Variants in PLPP4 observed in about 807,000 individuals in gnomAD.
PLPP4 encodes phospholipid phosphatase 4.
Under a neutral mutation model 32.2 loss-of-function variants are expected in PLPP4, and 20 were observed. The ratio of observed to expected loss-of-function variants is 0.62; its 90% CI spans 0.44 to 0.90. The LOEUF (loss-of-function observed/expected upper bound fraction) is 0.90. Ranked by LOEUF, PLPP4 falls within the 40% of genes least tolerant of loss-of-function variation. The probability of loss-of-function intolerance (pLI) is 0.00; values close to 1 mark genes in which losing one functional copy is unlikely to be tolerated. For synonymous variants in PLPP4, 127 were observed against 133.0 expected (o/e 0.95, Z 0.31); for missense variants, 257 against 353.1 (o/e 0.73, Z 2.18).
chr10:120,509,286 G>A (rs531403843), intron 2 of PLPP4, among the ~76,000 whole-genome samples: 7 of 152,288 alleles, frequency 4.6e-5, no homozygotes, highest in African/African-American at 1.2e-4. Flanking sequence ...GAATCAAAGA[G>A]GTTACATGAT....
At chr10:120,520,437 G>A (rs1846103371) in intron 4 of PLPP4, among the ~76,000 whole-genome samples, 2 of 152,202 alleles carry the variant, frequency 1.3e-5, no homozygotes, top group East Asian at 1.9e-4. Flanking sequence ...TAGATTAATA[G>A]GATTACTTAT....
At chr10:120,457,168 C>A, upstream of PLPP4, 1 of 451,174 alleles carries the variant, frequency 2.2e-6, no homozygotes, top group East Asian at 5.6e-5. Context: ...TGCCCCCGCC[C>A]GGCGCCCGCC....
At chr10:120,574,824 C>A (rs1849137839) in intron 5 of PLPP4, among the ~76,000 whole-genome samples, 1 of 152,244 alleles carries the variant, frequency 6.6e-6, no homozygotes, top group Non-Finnish European at 1.5e-5. Context: ...TCTGATGCAT[C>A]TTTTTATTCC....
At chr10:120,575,007 T>C (rs1849147059) in intron 5 of PLPP4, 124 bp from the exon 6 acceptor site, 6 of 911,598 alleles carry the variant, frequency 6.6e-6, no homozygotes, top group Non-Finnish European at 1.0e-5. Context: ...GCCTAGATAG[T>C]GCCTGGTGCC....
At chr10:120,519,691 C>T (rs748409867) in intron 4 of PLPP4, among the ~76,000 whole-genome samples, 18 of 152,090 alleles carry the variant, frequency 1.2e-4, no homozygotes, top group Non-Finnish European at 2.4e-4. Context: ...AGAGACAGTA[C>T]CCCAGCTGTT....
chr10:120,548,161 A>C (rs1847722017), intron 5 of PLPP4, among the ~76,000 whole-genome samples: 1 of 151,980 alleles, frequency 6.6e-6, no homozygotes, highest in African/African-American at 2.4e-5. Context: ...TTGGTGTACA[A>C]ATTATTTGGT....
At chr10:120,574,191 CTCT>C in intron 5 of PLPP4, among the ~76,000 whole-genome samples, 3 of 138,650 alleles carry the variant, frequency 2.2e-5, no homozygotes, top group African/African-American at 8.4e-5. Context: ...CTCTCTCTCT[CTCT>C]CTCTCTCTCT....
rs368548873 is a variant in PLPP4, at chr10:120,461,255, T to C, written c.56+3894T>C. Among the ~76,000 whole-genome samples, 8 of 152,342 alleles carry C rather than the reference T, an allele frequency of 5.3e-5. No homozygotes were observed. In the East Asian group the frequency reaches 1.5e-3, roughly 29 times the overall value. On this transcript the variant is annotated intron_variant, in intron 1 of 6. Coordinates refer to ENST00000398250, the MANE Select transcript of PLPP4 (RefSeq NM_001030059.3). ...CCGGTGAGAACATCAATTGTAGTAG[T>C]AAGAAACTAGGAATACACTGCTTTC...
At chr10:120,541,925 C>T (rs559565683) in intron 5 of PLPP4, among the ~76,000 whole-genome samples, 41 of 152,156 alleles carry the variant, frequency 2.7e-4, no homozygotes, top group Admixed American at 6.5e-4. Flanking sequence ...TACAGGCGAC[C>T]GCCACCATGC....
chr10:120,503,713 A>G, intron 1 of PLPP4, 105 bp from the exon 2 acceptor site: 1 of 1,592,530 alleles, frequency 6.3e-7, no homozygotes, highest in Non-Finnish European at 8.6e-7. Flanking sequence ...CTTCCCCAGC[A>G]GGCTGGATTC....
chr10:120,462,097 G>C (rs1564771797), intron 1 of PLPP4, among the ~76,000 whole-genome samples: 1 of 152,176 alleles, frequency 6.6e-6, no homozygotes, highest in Non-Finnish European at 1.5e-5. Context: ...GGCTGCCCAG[G>C]GCTGAGCACC....
At chr10:120,506,481 T>C (rs907731059) in intron 2 of PLPP4, among the ~76,000 whole-genome samples, 2 of 152,244 alleles carry the variant, frequency 1.3e-5, no homozygotes, top group Admixed American at 1.3e-4. Flanking sequence ...GGCTTGATTT[T>C]CTTTGAAAGC....
At chr10:120,508,475 C>T (rs10886699) in intron 2 of PLPP4, among the ~76,000 whole-genome samples, 65,232 of 152,048 alleles carry the variant, frequency 0.43, 14,369 homozygotes, top group South Asian at 0.59. Context: ...ACCCTCGCAT[C>T]GAGGCTGCTC....
intron 5 of PLPP4, among the ~76,000 whole-genome samples, chr10:120,524,034 T>G (rs11199377): frequency 0.34 from 51,936 of 152,102 alleles, 9,375 homozygotes; most frequent in South Asian, 0.42. Context: ...TGACATCTGA[T>G]CTGTGCTAGA....
At chr10:120,498,086 A>T (rs1845056675) in intron 1 of PLPP4, among the ~76,000 whole-genome samples, 1 of 152,220 alleles carries the variant, frequency 6.6e-6, no homozygotes, top group Non-Finnish European at 1.5e-5. Flanking sequence ...CAGGAAAGAA[A>T]TAGTAGTATG....
At chr10:120,479,026 A>T (rs1444703674) in intron 1 of PLPP4, among the ~76,000 whole-genome samples, 1 of 152,168 alleles carries the variant, frequency 6.6e-6, no homozygotes, top group Non-Finnish European at 1.5e-5. Context: ...GGAGATCGAG[A>T]CCATCCTGGC....
At chr10:120,564,295 T>C (rs1848588075) in intron 5 of PLPP4, among the ~76,000 whole-genome samples, 1 of 152,054 alleles carries the variant, frequency 6.6e-6, no homozygotes, top group Admixed American at 6.5e-5. Context: ...ATCTTCAAAA[T>C]AGTTTATAAT....
chr10:120,560,873 C>G (rs1848401641), intron 5 of PLPP4, among the ~76,000 whole-genome samples: 1 of 152,106 alleles, frequency 6.6e-6, no homozygotes, highest in Non-Finnish European at 1.5e-5. Context: ...AGCAAGCCTT[C>G]TGGTCAACAA....
intron 6 of PLPP4, 98 bp downstream of exon 6, chr10:120,575,399 C>T: frequency 2.3e-6 from 3 of 1,314,832 alleles, no homozygotes; most frequent in Non-Finnish European, 2.1e-6. Flanking sequence ...AGCTAAGTGC[C>T]CATTGTCCAA....
Sources: gnomAD v4.1 joint callset for allele counts (sites outside exome capture counted in the v4.1 genomes callset) on GRCh38, gnomAD v4.1.1 for gene constraint, MANE v1.5 for transcripts, NCBI Gene and HGNC (gene_info 2026-07-23, HGNC 2026-07-21) for gene names.